Variants in SPPL3 observed in about 807,000 individuals in gnomAD.
The protein encoded by SPPL3 is signal peptide peptidase-like 3.
SPPL3 carries 5 observed loss-of-function variants against 42.4 expected under a neutral mutation model. The ratio of observed to expected loss-of-function variants is 0.12; its 90% CI spans 0.06 to 0.25. The LOEUF (loss-of-function observed/expected upper bound fraction) is 0.25, where lower values mean the gene tolerates loss of function less well. Among genes scored for constraint, SPPL3 ranks in the 10% least tolerant of loss-of-function variants. The pLI is 1.00. For missense variants in SPPL3, 235 were observed against 489.0 expected (o/e 0.48, Z 4.90); for synonymous variants, 195 against 181.8 (o/e 1.07, Z -0.58).
chr12:120,903,676 G>A (rs1390133962), intron 1 of SPPL3, among the ~76,000 whole-genome samples, 169 bp downstream of exon 1: 2 of 151,850 alleles, frequency 1.3e-5, no homozygotes, highest in African/African-American at 2.4e-5. Flanking sequence ...ACCGCCCTCC[G>A]TGCGCGCCAG....
chr12:120,778,202 C>T (rs1325581723), intron 6 of SPPL3, among the ~76,000 whole-genome samples: 1 of 135,644 alleles, frequency 7.4e-6, no homozygotes, highest in South Asian at 2.5e-4. Flanking sequence ...CTGCAACCTC[C>T]ACCTCCTGGG....
intron 6 of SPPL3, among the ~76,000 whole-genome samples, chr12:120,773,293 C>T (rs1204628474): frequency 6.6e-6 from 1 of 152,186 alleles, no homozygotes; most frequent in East Asian, 1.9e-4. Flanking sequence ...GGAGGAACAA[C>T]AGTGGTCAGC....
chr12:120,893,504 A>G (rs575720870), intron 1 of SPPL3, among the ~76,000 whole-genome samples: 1 of 152,172 alleles, frequency 6.6e-6, no homozygotes, highest in East Asian at 1.9e-4. Flanking sequence ...CTCTTTCCTC[A>G]AGTCTTTCAC....
At chr12:120,790,406 T>C (rs1439714158) in intron 3 of SPPL3, among the ~76,000 whole-genome samples, 1 of 152,224 alleles carries the variant, frequency 6.6e-6, no homozygotes, top group African/African-American at 2.4e-5. Context: ...ATAAGTGATC[T>C]CTTTTCAATT....
intron 2 of SPPL3, among the ~76,000 whole-genome samples, chr12:120,809,636 G>A (rs919096042): frequency 4.6e-5 from 7 of 152,120 alleles, no homozygotes; most frequent in Admixed American, 4.6e-4. Flanking sequence ...AGTTCCTCTC[G>A]ACTGAGGATA....
intron 1 of SPPL3, among the ~76,000 whole-genome samples, chr12:120,826,524 C>T (rs1871236969): frequency 6.6e-6 from 1 of 152,102 alleles, no homozygotes; most frequent in Non-Finnish European, 1.5e-5. Context: ...TACCTAACAG[C>T]AAGCCCAAAC....
intron 1 of SPPL3, chr12:120,811,131 G>A (rs760670192): frequency 5.9e-6 from 2 of 338,962 alleles, no homozygotes; most frequent in African/African-American, 2.1e-5. Context: ...TGACATCAAT[G>A]TAAAAATCCC....
intron 1 of SPPL3, among the ~76,000 whole-genome samples, chr12:120,860,604 T>C (rs1872593887): frequency 6.6e-6 from 1 of 152,202 alleles, no homozygotes; most frequent in South Asian, 2.1e-4. Flanking sequence ...ATGAAAAATC[T>C]GGGCATGTAT....
In SPPL3 at chr12:120,781,555, G is replaced by GTGT. The variant is rs1869541007; in HGVS notation, c.502+1099_502+1100insACA. Reference sequence around the variant, plus strand: ...TCTAATCCCATCTCCTTATTGTTACGTTTTTTTTTTTTTTTTTTTTTTTTT... The same window carrying GTGT: ...TCTAATCCCATCTCCTTATTGTTACGTGTTTTTTTTTTTTTTTTTTTTTTTTTT... On this transcript the variant is annotated intron_variant, in intron 6 of 10. Transcript: ENST00000353487. Among the ~76,000 whole-genome samples, 13 of 62,994 alleles carry GTGT rather than the reference G, an allele frequency of 2.1e-4. 1 individual carries two copies. Among genetic ancestry groups the GTGT allele is most frequent in the African/African-American group, 6.8e-4 (10 of 14,614 alleles). The allele number at this position is 62,994 out of a possible 152,430, so 41.3% of individuals were successfully genotyped here. A position where few individuals can be genotyped will look rare whatever the true frequency, so the allele number is the denominator to read the frequency against.
intron 1 of SPPL3, among the ~76,000 whole-genome samples, chr12:120,856,718 C>A (rs1033770351): frequency 1.2e-4 from 18 of 151,948 alleles, no homozygotes; most frequent in African/African-American, 3.9e-4. Context: ...GATCAGGTAG[C>A]CTCACAAAAC....
intron 1 of SPPL3, among the ~76,000 whole-genome samples, chr12:120,889,452 T>C (rs1225902953): frequency 6.6e-6 from 1 of 152,256 alleles, no homozygotes; most frequent in Non-Finnish European, 1.5e-5. Flanking sequence ...GGAGCAGAAA[T>C]GGCAGTGTGC....
intron 1 of SPPL3, among the ~76,000 whole-genome samples, chr12:120,822,878 G>A (rs565577366): frequency 6.6e-6 from 1 of 152,140 alleles, no homozygotes; most frequent in East Asian, 1.9e-4. Flanking sequence ...TCACTGTTCT[G>A]TCCTATCTTA....
chr12:120,893,380 A>G (rs140631127), intron 1 of SPPL3, among the ~76,000 whole-genome samples: 10 of 152,112 alleles, frequency 6.6e-5, no homozygotes, highest in Admixed American at 5.2e-4. Context: ...AAAAAAATAT[A>G]TATTTTTTTC....
chr12:120,901,926 A>C, intron 1 of SPPL3: 1 of 985,450 alleles, frequency 1.0e-6, no homozygotes, highest in Non-Finnish European at 1.2e-6. Context: ...TGAGTTTTCT[A>C]TTCTTTCAAC....
At chr12:120,798,401 C>T (rs1379812668) in intron 2 of SPPL3, among the ~76,000 whole-genome samples, 2 of 152,184 alleles carry the variant, frequency 1.3e-5, no homozygotes, top group Admixed American at 6.5e-5. Context: ...AAAACTTTTT[C>T]CTAATTAGTT....
chr12:120,790,597 C>T (rs1490289530), intron 3 of SPPL3, among the ~76,000 whole-genome samples: 1 of 152,210 alleles, frequency 6.6e-6, no homozygotes, highest in African/African-American at 2.4e-5. Context: ...CTAAGTCAAA[C>T]CCACCTTCTC....
At chr12:120,903,725 A>AC in intron 1 of SPPL3, 120 bp downstream of exon 1, 1 of 376,014 alleles carries the variant, frequency 2.7e-6, no homozygotes, top group Non-Finnish European at 4.7e-6. Flanking sequence ...CGTGCACCCC[A>AC]ACCCGCGCCC....
chr12:120,808,392 A>G (rs1043758679), intron 2 of SPPL3, among the ~76,000 whole-genome samples: 1 of 152,114 alleles, frequency 6.6e-6, no homozygotes, highest in Non-Finnish European at 1.5e-5. Context: ...CTCATTTGTA[A>G]ACAGGGAGGT....
chr12:120,893,410 C>T (rs1355908729), intron 1 of SPPL3, among the ~76,000 whole-genome samples: 1 of 152,096 alleles, frequency 6.6e-6, no homozygotes, highest in Non-Finnish European at 1.5e-5. Flanking sequence ...TTTTCTCTCC[C>T]TGCCTGCAAA....
Sources: allele counts gnomAD v4.1 joint callset (sites outside exome capture counted in the v4.1 genomes callset), GRCh38; gene constraint gnomAD v4.1.1; transcripts MANE v1.5; gene names NCBI Gene and HGNC (gene_info 2026-07-23, HGNC 2026-07-21).